Variants in RAPGEF5 observed in about 807,000 individuals in gnomAD.
RAPGEF5 encodes the protein M-Ras-regulated GEF.
RAPGEF5 carries 65 observed loss-of-function variants against 125.2 expected under a neutral mutation model. The ratio of observed to expected loss-of-function variants is 0.52; its 90% CI spans 0.43 to 0.64. RAPGEF5 has a LOEUF of 0.64. Among genes scored for constraint, RAPGEF5 ranks in the 30% least tolerant of loss-of-function variants. The probability of loss-of-function intolerance (pLI) is 0.00; values close to 1 mark genes in which losing one functional copy is unlikely to be tolerated. For missense variants in RAPGEF5, 958 were observed against 1,048.1 expected, an observed-to-expected ratio of 0.91 and a Z score of 1.19; for synonymous variants, 391 against 385.9, an observed-to-expected ratio of 1.01 and a Z score of -0.16.
At chr7:22,212,115 A>G (rs1785522932) in intron 9 of RAPGEF5, among the ~76,000 whole-genome samples, 1 of 151,958 alleles carries the variant, frequency 6.6e-6, no homozygotes, top group Admixed American at 6.5e-5. Context: ...CTGGGACTAT[A>G]GGCACCCGCC....
intron 7 of RAPGEF5, among the ~76,000 whole-genome samples, chr7:22,255,211 T>C (rs1435117960): frequency 1.3e-5 from 2 of 152,322 alleles, no homozygotes; most frequent in African/African-American, 2.4e-5. Flanking sequence ...TATATGATCT[T>C]AGAAAAAACA....
rs372734424 is a variant in RAPGEF5 at position 22,156,798 on chromosome 7, A to T, written c.1636+12T>A. 6 of 1,613,670 alleles carry T rather than the reference A, an allele frequency of 3.7e-6. No homozygotes were observed. In the East Asian group the frequency reaches 6.7e-5, roughly 18 times the overall value. ...TGCCCACCCCCAAACCCTCACTTCAAACCATACTCACTTTCCTCCGTTTCA... is the reference window on the plus strand; with the variant it reads ...TGCCCACCCCCAAACCCTCACTTCATACCATACTCACTTTCCTCCGTTTCA... On this transcript the variant is annotated intron_variant, in intron 16 of 25. Transcript: ENST00000665637.
chr7:22,122,661 GTC>G, intron 25 of RAPGEF5, 140 bp from the exon 26 acceptor site: 1 of 622,606 alleles, frequency 1.6e-6, no homozygotes, highest in South Asian at 2.0e-5. Context: ...AGGTGTCCTT[GTC>G]CTACAGTAGA....
chr7:22,344,465 G>A (rs1387131110), intron 1 of RAPGEF5, among the ~76,000 whole-genome samples: 2 of 152,166 alleles, frequency 1.3e-5, no homozygotes, highest in African/African-American at 4.8e-5. Flanking sequence ...CGCGATTGAG[G>A]AGGGACTGCC....
chr7:22,265,238 AC>A (rs1440031140), intron 7 of RAPGEF5, among the ~76,000 whole-genome samples: 1 of 151,194 alleles, frequency 6.6e-6, no homozygotes, highest in East Asian at 2.1e-4. Context: ...ATACTTTTGT[AC>A]CCATTAACCA....
chr7:22,125,345 TGAGTGTGTAAAGTCACTCTTCACAG>T (rs1410845840), intron 25 of RAPGEF5: 1 of 373,076 alleles, frequency 2.7e-6, no homozygotes, highest in Non-Finnish European at 5.0e-6. Flanking sequence ...AGGAGGTTTC[TGAGTGTGTAAAGTCACTCTTCACAG>T]CATAAACTTG....
intron 11 of RAPGEF5, chr7:22,191,569 C>A: frequency 2.1e-6 from 1 of 471,134 alleles, no homozygotes; most frequent in East Asian, 6.9e-5. Flanking sequence ...AGAGTCAAGC[C>A]ATGAAGTCCT....
At chr7:22,290,242 T>C (rs1394524303) in intron 6 of RAPGEF5, among the ~76,000 whole-genome samples, 1 of 152,166 alleles carries the variant, frequency 6.6e-6, no homozygotes, top group Non-Finnish European at 1.5e-5. Flanking sequence ...ATTTTAATAA[T>C]GGAGTTAAAG....
chr7:22,167,260 T>C (rs1035570986), intron 11 of RAPGEF5, 112 bp from the exon 12 acceptor site: 3 of 774,844 alleles, frequency 3.9e-6, no homozygotes, highest in Admixed American at 2.5e-5. Flanking sequence ...TAAATATTGA[T>C]AGCTGTGGGA....
intron 7 of RAPGEF5, among the ~76,000 whole-genome samples, chr7:22,244,413 C>G (rs900951662): frequency 6.6e-6 from 1 of 152,134 alleles, no homozygotes; most frequent in African/African-American, 2.4e-5. Flanking sequence ...CGCCTGAGCT[C>G]TACCTCCTGT....
chr7:22,273,637 G>C (rs1782493615), intron 6 of RAPGEF5, among the ~76,000 whole-genome samples: 2 of 152,326 alleles, frequency 1.3e-5, no homozygotes, highest in Middle Eastern at 3.4e-3. Flanking sequence ...GAAGTGATCT[G>C]AAACTAACAA....
intron 7 of RAPGEF5, among the ~76,000 whole-genome samples, chr7:22,254,836 A>G (rs1248517708): frequency 5.3e-5 from 8 of 152,222 alleles, no homozygotes; most frequent in Non-Finnish European, 1.0e-4. Flanking sequence ...GCAGTTCACA[A>G]CAGGGGTCGC....
intron 8 of RAPGEF5, among the ~76,000 whole-genome samples, chr7:22,224,719 T>C (rs1440870171): frequency 6.6e-6 from 1 of 152,108 alleles, no homozygotes; most frequent in Non-Finnish European, 1.5e-5. Flanking sequence ...ATGGGGAGCC[T>C]GTTCCCTCCT....
chr7:22,259,684 G>A (rs1030771639), intron 7 of RAPGEF5, among the ~76,000 whole-genome samples: 5 of 152,292 alleles, frequency 3.3e-5, no homozygotes, highest in South Asian at 2.1e-4. Context: ...CTCTGAAACC[G>A]TGAAAAGATT....
chr7:22,267,461 T>A (rs898212394), intron 6 of RAPGEF5, among the ~76,000 whole-genome samples: 1 of 152,210 alleles, frequency 6.6e-6, no homozygotes, highest in Non-Finnish European at 1.5e-5. Flanking sequence ...ATTGGACCTC[T>A]GCTCAAATAT....
intron 7 of RAPGEF5, among the ~76,000 whole-genome samples, chr7:22,246,631 A>C (rs1786484210): frequency 6.6e-6 from 1 of 152,220 alleles, no homozygotes; most frequent in Admixed American, 6.5e-5. Context: ...TACTAGAAGA[A>C]AACCTGGGAA....
chr7:22,174,052 A>G (rs927117177), intron 11 of RAPGEF5, among the ~76,000 whole-genome samples: 99 of 152,314 alleles, frequency 6.5e-4, no homozygotes, highest in African/African-American at 1.8e-3. Context: ...AGTGGCTATC[A>G]TATCTATACC....
intron 20 of RAPGEF5, among the ~76,000 whole-genome samples, chr7:22,141,212 A>G (rs1783249428): frequency 3.3e-5 from 5 of 152,192 alleles, no homozygotes. Flanking sequence ...ATTGTGGATG[A>G]TTTTCAATTT....
At chr7:22,284,422 G>A (rs1453877992) in intron 6 of RAPGEF5, among the ~76,000 whole-genome samples, 2 of 152,124 alleles carry the variant, frequency 1.3e-5, no homozygotes, top group African/African-American at 4.8e-5. Context: ...GAAAAAAGTT[G>A]CTACCAGAAT....
Sources: gnomAD v4.1 joint callset for allele counts (sites outside exome capture counted in the v4.1 genomes callset) on GRCh38, gnomAD v4.1.1 for gene constraint, MANE v1.5 for transcripts, NCBI Gene and HGNC (gene_info 2026-07-23, HGNC 2026-07-21) for gene names.